The following ARHGAP42 variants were observed in gnomAD, a reference collection of about 807,000 sequenced individuals.
ARHGAP42 encodes the protein rho GTPase-activating protein 42.
In ARHGAP42, 63 loss-of-function variants were observed where a neutral mutation model predicts 125.0. The observed-to-expected ratio is 0.50, with a 90% confidence interval of 0.41 to 0.62. The LOEUF is 0.62. Ranked by LOEUF, ARHGAP42 falls within the 20% of genes least tolerant of loss-of-function variation. The pLI is 0.00. For missense variants in ARHGAP42, 766 were observed against 1,024.2 expected, an observed-to-expected ratio of 0.75 and a Z score of 3.44; for synonymous variants, 339 against 351.0, an observed-to-expected ratio of 0.97 and a Z score of 0.38.
intron 4 of ARHGAP42, among the ~76,000 whole-genome samples, chr11:100,888,639 A>G (rs1866151732): frequency 6.6e-6 from 1 of 152,194 alleles, no homozygotes; most frequent in Non-Finnish European, 1.5e-5. Context: ...TAAAATAATA[A>G]CTTGTTCCAG....
At position 100,988,936 on chromosome 11, in the gene ARHGAP42, A is replaced by T; in HGVS notation, c.*135A>T. ...AATTTCTATCAAGTTCTTCACCAGC[A>T]GACTATGTAGCTCCTTATTAATGGA... On this transcript the variant is annotated 3_prime_UTR_variant, in exon 24 of 24. Transcript: ENST00000298815. The T allele has an allele frequency of 1.8e-6, 1 of 569,898 alleles. No homozygotes were observed. 35.3% of individuals were successfully genotyped at this position (569,898 alleles called of 1,614,324 possible).
At chr11:100,871,996 G>A (rs977376749) in intron 4 of ARHGAP42, among the ~76,000 whole-genome samples, 3 of 152,166 alleles carry the variant, frequency 2.0e-5, no homozygotes. Flanking sequence ...GCCCACCTCA[G>A]CCTCCCCAAG....
chr11:100,768,912 G>T (rs950603212), intron 1 of ARHGAP42, among the ~76,000 whole-genome samples: 1 of 152,036 alleles, frequency 6.6e-6, no homozygotes, highest in African/African-American at 2.4e-5. Flanking sequence ...AACACATTTT[G>T]AGAAAAACGT....
At chr11:100,915,358 C>T (rs1029061585) in intron 5 of ARHGAP42, among the ~76,000 whole-genome samples, 1 of 152,076 alleles carries the variant, frequency 6.6e-6, no homozygotes, top group African/African-American at 2.4e-5. Context: ...TAGAGAGACA[C>T]TCATCTAATT....
At chr11:100,692,720 C>A (rs1454745984) in intron 1 of ARHGAP42, among the ~76,000 whole-genome samples, 1 of 152,126 alleles carries the variant, frequency 6.6e-6, no homozygotes, top group Non-Finnish European at 1.5e-5. Context: ...CAGAGGAGAG[C>A]ACAGTTTCTT....
At position 100,765,335 on chromosome 11, in the gene ARHGAP42, A is replaced by G. The variant is rs115986651; in HGVS notation, c.155-5008A>G. On this transcript the variant is annotated intron_variant, in intron 1 of 23. Coordinates refer to ENST00000298815, the MANE Select transcript of ARHGAP42 (RefSeq NM_152432.4). ...ATGTGCCTTTTTATTTGCCACCTTTATTTAAGGTCTATGGGCAAAGCAGTG... is the reference window on the plus strand; with the variant it reads ...ATGTGCCTTTTTATTTGCCACCTTTGTTTAAGGTCTATGGGCAAAGCAGTG... Among the ~76,000 whole-genome samples the G allele has an allele frequency of 2.6e-3, 394 of 151,914 alleles. 3 individuals are homozygous for G. Among genetic ancestry groups the G allele is most frequent in the African/African-American group, 9.2e-3 (382 of 41,436 alleles).
chr11:100,933,031 C>A, intron 6 of ARHGAP42, 125 bp from the exon 7 acceptor site: 1 of 623,246 alleles, frequency 1.6e-6, no homozygotes, highest in East Asian at 3.1e-5. Context: ...GCCTGCCTTG[C>A]CAAAGCCATT....
intron 4 of ARHGAP42, among the ~76,000 whole-genome samples, chr11:100,903,686 G>A (rs1341552813): frequency 6.5e-5 from 6 of 91,712 alleles, no homozygotes; most frequent in Non-Finnish European, 1.1e-4. Context: ...GGGACAGAAT[G>A]TATATATATA....
At chr11:100,947,293 A>C (rs920255110) in intron 10 of ARHGAP42, among the ~76,000 whole-genome samples, 2 of 151,882 alleles carry the variant, frequency 1.3e-5, no homozygotes, top group African/African-American at 2.4e-5. Context: ...TTTATATATA[A>C]TTCTCTTATC....
At chr11:100,803,490 G>A (rs764543438) in intron 3 of ARHGAP42, among the ~76,000 whole-genome samples, 113 of 152,158 alleles carry the variant, frequency 7.4e-4, no homozygotes, top group Non-Finnish European at 1.1e-3. Context: ...TCAAGGTAGA[G>A]TCTAATGTCC....
At chr11:100,984,584 A>G (rs968249414) in intron 22 of ARHGAP42, among the ~76,000 whole-genome samples, 31 of 151,944 alleles carry the variant, frequency 2.0e-4, no homozygotes, top group Admixed American at 5.2e-4. Flanking sequence ...AGCACTGGCA[A>G]ATTTTGCACA....
chr11:100,908,727 A>G (rs1225171446), intron 4 of ARHGAP42, among the ~76,000 whole-genome samples: 2 of 152,134 alleles, frequency 1.3e-5, no homozygotes. Flanking sequence ...TAACTTTTTG[A>G]TCTAATGATT....
chr11:100,977,479 C>T (rs1858423022), intron 21 of ARHGAP42, among the ~76,000 whole-genome samples: 1 of 152,116 alleles, frequency 6.6e-6, no homozygotes, highest in Admixed American at 6.5e-5. Flanking sequence ...GGGTACTTCT[C>T]ATCAAAGGAA....
chr11:100,747,537 A>C (rs1363647903), intron 1 of ARHGAP42, among the ~76,000 whole-genome samples: 3 of 152,238 alleles, frequency 2.0e-5, no homozygotes, highest in Non-Finnish European at 4.4e-5. Flanking sequence ...TGTCCAATTC[A>C]CAGAAAAACT....
Position 100,901,738 on chromosome 11 carries a change from T to A in ARHGAP42, c.385-11714T>A, listed in dbSNP as rs183535040. Among the ~76,000 whole-genome samples, 3 of 152,336 alleles carry A rather than the reference T, an allele frequency of 2.0e-5. No homozygotes were observed. The East Asian group carries it at 5.8e-4, about 29-fold the overall frequency. Reference sequence around the variant, plus strand: ...CCTGAGCCAGGCACGGGAGAGAATCTCCTTGTCTGCTGGTTGCTAAGACCT... The same window carrying A: ...CCTGAGCCAGGCACGGGAGAGAATCACCTTGTCTGCTGGTTGCTAAGACCT... On this transcript the variant is annotated intron_variant, in intron 4 of 23. Coordinates refer to ENST00000298815, the MANE Select transcript of ARHGAP42 (RefSeq NM_152432.4).
At chr11:100,820,915 T>A (rs553752721) in intron 3 of ARHGAP42, among the ~76,000 whole-genome samples, 19 of 143,794 alleles carry the variant, frequency 1.3e-4, no homozygotes, top group African/African-American at 5.2e-4. Flanking sequence ...AGATAAAACT[T>A]TTTTTTTTTT....
At chr11:100,891,076 T>C (rs764554307) in intron 4 of ARHGAP42, among the ~76,000 whole-genome samples, 3 of 152,178 alleles carry the variant, frequency 2.0e-5, no homozygotes, top group Non-Finnish European at 4.4e-5. Flanking sequence ...CTGGACCAAC[T>C]GAGTAGATGG....
chr11:100,977,046 G>A, intron 21 of ARHGAP42, 75 bp downstream of exon 21: 1 of 1,501,140 alleles, frequency 6.7e-7, no homozygotes, highest in Non-Finnish European at 9.0e-7. Context: ...AAGAACTCTT[G>A]GGAATCCCAC....
intron 1 of ARHGAP42, among the ~76,000 whole-genome samples, chr11:100,767,087 C>T (rs1862846448): frequency 6.6e-6 from 1 of 152,162 alleles, no homozygotes; most frequent in Non-Finnish European, 1.5e-5. Context: ...TTGTCCTGAG[C>T]ACTTTCCAAG....
Sources: allele counts gnomAD v4.1 joint callset (sites outside exome capture counted in the v4.1 genomes callset), GRCh38; gene constraint gnomAD v4.1.1; transcripts MANE v1.5; gene names NCBI Gene and HGNC (gene_info 2026-07-23, HGNC 2026-07-21).